Variants in BCAS3 observed in about 807,000 individuals in gnomAD.
BCAS3 encodes the protein BCAS4/BCAS3 fusion.
A neutral mutation model predicts 116.1 loss-of-function variants in BCAS3; 53 were observed. The ratio of observed to expected loss-of-function variants is 0.46; its 90% CI spans 0.37 to 0.57. The LOEUF is 0.57. Ranked by LOEUF, BCAS3 falls within the 20% of genes least tolerant of loss-of-function variation. BCAS3 has a pLI of 0.00. For synonymous variants in BCAS3, 391 were observed against 408.2 expected (o/e 0.96, Z 0.51); for missense variants, 917 against 1,165.4 (o/e 0.79, Z 3.10).
intron 7 of BCAS3, among the ~76,000 whole-genome samples, chr17:60,818,351 T>C (rs1182386144): frequency 6.6e-6 from 1 of 152,170 alleles, no homozygotes; most frequent in African/African-American, 2.4e-5. Flanking sequence ...AAGCTGCAGT[T>C]ATTAGGTGGA....
chr17:60,708,089 C>T (rs1280869358), intron 4 of BCAS3, among the ~76,000 whole-genome samples: 1 of 151,932 alleles, frequency 6.6e-6, no homozygotes, highest in South Asian at 2.1e-4. Flanking sequence ...TTTGGGAAGC[C>T]GAGGCAGGTG....
At chr17:60,978,487 G>T (rs1202268852) in intron 14 of BCAS3, among the ~76,000 whole-genome samples, 34 of 148,594 alleles carry the variant, frequency 2.3e-4, no homozygotes, top group Admixed American at 2.1e-3. Flanking sequence ...CTTTTGCTGT[G>T]CAGAAGCTCT....
rs138660616 is a variant in BCAS3 at position 61,235,096 on chromosome 17, G to T, written c.2426-133231G>T. ...GAGACAGGGTTTCACCACATTGGCC[G>T]GGCTGGTCTCAAACTCCTGACCTAA... is the stretch of plus-strand genomic sequence containing the variant. On this transcript the variant is annotated intron_variant, in intron 22 of 23. Transcript: ENST00000407086. The surrounding 1 kb of genome is among the most constrained non-coding windows in gnomAD (Gnocchi z 5.0). Among the ~76,000 whole-genome samples the T allele has an allele frequency of 6.6e-6, 1 of 152,040 alleles. No homozygotes were observed. Among genetic ancestry groups the T allele is most frequent in the Non-Finnish European group, 1.5e-5 (1 of 68,010 alleles).
chr17:61,210,884 A>G (rs1439688604), intron 22 of BCAS3, among the ~76,000 whole-genome samples: 2 of 152,118 alleles, frequency 1.3e-5, no homozygotes, highest in African/African-American at 2.4e-5. Context: ...AGGGGTTATC[A>G]TGGGGAAACA....
chr17:60,851,756 C>T, intron 7 of BCAS3: 1 of 941,168 alleles, frequency 1.1e-6, no homozygotes, highest in Non-Finnish European at 1.7e-6. Flanking sequence ...TACCATATAC[C>T]ATGTCTTATC....
At chr17:61,374,934 G>A (rs1194247492) in intron 23 of BCAS3, among the ~76,000 whole-genome samples, 1 of 152,182 alleles carries the variant, frequency 6.6e-6, no homozygotes, top group East Asian at 1.9e-4. Flanking sequence ...GAAAATCAAT[G>A]CTCTAGCTTG....
chr17:60,722,370 G>A (rs941396624), intron 5 of BCAS3, among the ~76,000 whole-genome samples: 1 of 152,156 alleles, frequency 6.6e-6, no homozygotes, highest in African/African-American at 2.4e-5. Flanking sequence ...TGGAAGTTCT[G>A]TTTGTCCTGC....
At chr17:61,317,292 A>G (rs1405253451) in intron 22 of BCAS3, among the ~76,000 whole-genome samples, 1 of 152,198 alleles carries the variant, frequency 6.6e-6, no homozygotes, top group African/African-American at 2.4e-5. Context: ...ACTCCTCCAG[A>G]GCCCACCCAG....
chr17:60,727,778 G>A (rs919028905), intron 5 of BCAS3, among the ~76,000 whole-genome samples: 5 of 151,048 alleles, frequency 3.3e-5, no homozygotes, highest in South Asian at 2.1e-4. Flanking sequence ...ATAGCTTACA[G>A]TAGGATTCAT....
rs1471307715 is a variant in BCAS3, at chr17:61,181,883, T to TG, written c.2425+97319_2425+97320insG. ...GTCTTGCTTTTTCCTTCTTTTTTTT[T>TG]TTAATCTTGAGACACGGTCTCACTC... is the stretch of plus-strand genomic sequence containing the variant. On this transcript the variant is annotated intron_variant, in intron 22 of 23. Coordinates refer to ENST00000407086, the MANE Select transcript of BCAS3 (RefSeq NM_017679.5). This position sits in a 1 kb window ranked among gnomAD's most constrained non-coding sequence, Gnocchi z 5.0. 6.6e-6 allele frequency among the ~76,000 whole-genome samples: 1 copy of TG among 151,730 alleles called. No individual in the cohort carries two copies. The highest frequency in any genetic ancestry group is 1.5e-5 in the Non-Finnish European group (1 of 67,896).
chr17:60,878,744 G>C (rs1199187726), intron 9 of BCAS3, among the ~76,000 whole-genome samples: 1 of 151,912 alleles, frequency 6.6e-6, no homozygotes, highest in Non-Finnish European at 1.5e-5. Flanking sequence ...AAAACCCTAG[G>C]GGTCAAATTT....
At chr17:60,947,818 C>G (rs992077323) in intron 14 of BCAS3, among the ~76,000 whole-genome samples, 1 of 152,068 alleles carries the variant, frequency 6.6e-6, no homozygotes, top group Non-Finnish European at 1.5e-5. Context: ...CTAGTGAGAA[C>G]CAGTTGCGCA....
In BCAS3 at chr17:61,241,636, G is replaced by A. The variant is rs532692098; in HGVS notation, c.2426-126691G>A. On this transcript the variant is annotated intron_variant, in intron 22 of 23. Transcript: ENST00000407086. This position sits in a 1 kb window ranked among gnomAD's most constrained non-coding sequence, Gnocchi z 4.6. The stretch of plus-strand genomic sequence containing the variant: ...CGGGAGGATGAGGCAGGAAAATGGC[G>A]TGAACCCAGGAGCCAGAGCTTGCAG... 1.3e-4 allele frequency among the ~76,000 whole-genome samples: 19 copies of A among 151,946 alleles called. No homozygotes were observed. The highest frequency in any genetic ancestry group is 3.1e-4 in the African/African-American group (13 of 41,450).
At chr17:61,234,822 A>G (rs1250013741) in intron 22 of BCAS3, among the ~76,000 whole-genome samples, 2 of 148,070 alleles carry the variant, frequency 1.4e-5, no homozygotes, top group Non-Finnish European at 3.0e-5. Context: ...ACTGCTTCGC[A>G]TTTTCTCTCA....
chr17:60,985,335 C>T (rs905033317), intron 14 of BCAS3, among the ~76,000 whole-genome samples: 2 of 151,760 alleles, frequency 1.3e-5, no homozygotes, highest in Non-Finnish European at 2.9e-5. Flanking sequence ...TTAGTAGAGA[C>T]AGGGTTTCAC....
intron 4 of BCAS3, among the ~76,000 whole-genome samples, chr17:60,703,630 C>T (rs1001457470): frequency 6.7e-6 from 1 of 148,240 alleles, no homozygotes; most frequent in African/African-American, 2.5e-5. Context: ...GAAAGACTTA[C>T]CTAGCCGGGC....
At chr17:61,370,945 A>C (rs2059012998) in intron 23 of BCAS3, among the ~76,000 whole-genome samples, 2 of 152,160 alleles carry the variant, frequency 1.3e-5, no homozygotes, top group Non-Finnish European at 1.5e-5. Context: ...GCAACATCTC[A>C]GTCCCCCTCT....
chr17:60,765,828 A>T (rs937193074), intron 6 of BCAS3, among the ~76,000 whole-genome samples: 1 of 152,202 alleles, frequency 6.6e-6, no homozygotes, highest in African/African-American at 2.4e-5. Flanking sequence ...CAGATACACC[A>T]ATCAAACGTA....
intron 19 of BCAS3, chr17:61,069,732 G>A: frequency 1.7e-6 from 1 of 592,716 alleles, no homozygotes; most frequent in Non-Finnish European, 3.0e-6. Context: ...CAGCTACTCA[G>A]GAGGCTGAGG....
Sources: gnomAD v4.1 joint callset for allele counts (sites outside exome capture counted in the v4.1 genomes callset) on GRCh38, gnomAD v4.1.1 for gene constraint, Gnocchi (gnomAD v3.1) non-coding constraint, MANE v1.5 for transcripts, NCBI Gene and HGNC (gene_info 2026-07-23, HGNC 2026-07-21) for gene names.